Variants in DYNC1H1 observed in about 807,000 individuals in gnomAD.
DYNC1H1 encodes dynein cytoplasmic 1 heavy chain 1, also known as cytoplasmic dynein 1 heavy chain 1.
In DYNC1H1, 51 loss-of-function variants were observed where a neutral mutation model predicts 527.1. The observed-to-expected ratio is 0.10, with a 90% CI of 0.08 to 0.12. The LOEUF is 0.12. Among genes scored for constraint, DYNC1H1 ranks in the 10% least tolerant of loss-of-function variants. The probability of loss-of-function intolerance (pLI) is 1.00; values close to 1 mark genes in which losing one functional copy is unlikely to be tolerated. For missense variants in DYNC1H1, 2,771 were observed against 5,971.8 expected (o/e 0.46, Z 17.66); for synonymous variants, 2,189 against 2,278.8 (o/e 0.96, Z 1.12).
At chr14:102,045,057 C>T in intron 72 of DYNC1H1, 1 of 310,442 alleles carries the variant, frequency 3.2e-6, no homozygotes, top group South Asian at 3.2e-5. Context: ...AATCCCAGCA[C>T]TTTGGGAGGC....
rs779088000 is a variant in DYNC1H1 at position 102,008,352 on chromosome 14, C to G, written c.5977+15C>G. 1 of 1,613,892 alleles carries G rather than the reference C, an allele frequency of 6.2e-7. No homozygotes were observed. The highest frequency in any genetic ancestry group is 8.5e-7 in the Non-Finnish European group (1 of 1,179,920). On this transcript the variant is annotated intron_variant, in intron 29 of 77. Transcript: ENST00000360184. ...CTACGACAAGAGTAAGACACCTCTT[C>G]TTCAAAAATTACTTAGAGAATGTAG...
In DYNC1H1 at chr14:102,049,358, C is replaced by T. The variant is rs2048772401; in HGVS notation, c.13373-82C>T. 1 of 1,600,866 alleles carries T rather than the reference C, an allele frequency of 6.2e-7. No homozygotes were observed. Among genetic ancestry groups the T allele is most frequent in the Non-Finnish European group, 8.5e-7 (1 of 1,175,844 alleles). On this transcript the variant is annotated intron_variant, in intron 74 of 77. Coordinates refer to ENST00000360184, the MANE Select transcript of DYNC1H1 (RefSeq NM_001376.5). This position sits in a 1 kb window ranked among gnomAD's most constrained non-coding sequence, Gnocchi z 5.5. ...GCCGCCTGTGTGGGCAGCCAGGATG[C>T]CTAGCACTTGCACATTTGTTCCATC...
At chr14:101,977,412 T>TC (rs2047814067) in intron 2 of DYNC1H1, among the ~76,000 whole-genome samples, 2 of 152,240 alleles carry the variant, frequency 1.3e-5, no homozygotes, top group South Asian at 4.1e-4. Context: ...TTATCATTTT[T>TC]CCCCTGAATC....
Position 102,048,683 on chromosome 14 carries a change from C to A in DYNC1H1, c.13372+14C>A. 1 of 1,611,910 alleles carries A rather than the reference C, an allele frequency of 6.2e-7. No homozygotes were observed. The highest frequency in any genetic ancestry group is 8.5e-7 in the Non-Finnish European group (1 of 1,179,772). ...AGCTAGTGAAAGGTGCGTGAGAGGC[C>A]GAACTCGTGGTGTGGCTTCCGGCGG... On this transcript the variant is annotated intron_variant, in intron 74 of 77. Transcript: ENST00000360184.
Position 102,047,934 on chromosome 14 carries a change from C to T in DYNC1H1, c.13124C>T (p.Ala4375Val). 6.2e-7 allele frequency: 1 copy of T among 1,613,420 alleles called. No homozygotes were observed. The highest frequency in any genetic ancestry group is 8.5e-7 in the Non-Finnish European group (1 of 1,180,018). Residue 4375 changes from alanine (A) to valine (V), a missense_variant, in exon 73 of 78, where the codon GCC becomes GTC. Ala to Val is a moderately conservative substitution (Grantham distance 64). Coordinates refer to ENST00000360184, the MANE Select transcript of DYNC1H1 (RefSeq NM_001376.5). Reference protein sequence around the residue: ...RTDSTSDGRPAWMRTLHTTAS... With the variant: ...RTDSTSDGRPVWMRTLHTTAS... Reference sequence around the variant, plus strand: ...GACTCCACGTCCGACGGGCGCCCTGCCTGGATGCGGACACTGCACACCACC... The same window carrying T: ...GACTCCACGTCCGACGGGCGCCCTGTCTGGATGCGGACACTGCACACCACC...
chr14:102,034,098 G>T lies in DYNC1H1; in HGVS notation c.10536G>T (p.Ala3512=). Residue 3512 remains alanine, a synonymous_variant, in exon 55 of 78, where the codon GCG becomes GCT. Coordinates refer to ENST00000360184, the MANE Select transcript of DYNC1H1 (RefSeq NM_001376.5). ...TIAGDCLLSA[A]FIAYAGYFDQ... ...CTGGGGACTGTCTCTTGTCAGCTGC[G>T]TTCATTGCCTACGCGGGTTACTTTG... 6.2e-7 allele frequency: 1 copy of T among 1,614,144 alleles called. No homozygotes were observed. Among genetic ancestry groups the T allele is most frequent in the South Asian group, 1.1e-5 (1 of 91,084 alleles).
At chr14:101,980,102 G>T in intron 4 of DYNC1H1, 128 bp downstream of exon 4, 1 of 1,440,822 alleles carries the variant, frequency 6.9e-7, no homozygotes. Context: ...TCTTGGTCCT[G>T]GGACTGTCCA....
chr14:101,964,631 G>C lies in DYNC1H1; in HGVS notation c.-61G>C, dbSNP rs2013700790. ...CGGCGGCCGTTTCTGTCTCTTGCTG[G>C]CTGTCTCGCTGAGTCGCGGCCGCCT... On this transcript the variant is annotated 5_prime_UTR_variant, in exon 1 of 78. Transcript: ENST00000360184. The surrounding 1 kb of genome is among the most constrained non-coding windows in gnomAD (Gnocchi z 5.5). 1 of 1,541,340 alleles carries C rather than the reference G, an allele frequency of 6.5e-7. No individual in the cohort carries two copies. Among genetic ancestry groups the C allele is most frequent in the South Asian group, 1.2e-5 (1 of 84,998 alleles).
chr14:102,002,453 T>A lies in DYNC1H1; in HGVS notation c.4543-84T>A. The A allele has an allele frequency of 7.0e-6, 11 of 1,560,370 alleles. No individual in the cohort carries two copies. Among genetic ancestry groups the A allele is most frequent in the Non-Finnish European group, 9.7e-6 (11 of 1,133,564 alleles). ...TGAATCAGATTACTTCATGAGATCC[T>A]GATCTGCGCTTTTTCAGTGAGTTTT... On this transcript the variant is annotated intron_variant, in intron 21 of 77. Coordinates refer to ENST00000360184, the MANE Select transcript of DYNC1H1 (RefSeq NM_001376.5). The surrounding 1 kb of genome is among the most constrained non-coding windows in gnomAD (Gnocchi z 4.4).
At chr14:102,009,818 C>T (rs762749914) in intron 29 of DYNC1H1, 25 bp from the exon 30 acceptor site, 9 of 1,612,680 alleles carry the variant, frequency 5.6e-6, no homozygotes, top group Non-Finnish European at 7.6e-6. Flanking sequence ...CATTTCTAGT[C>T]TTAACGCTAT....
chr14:102,050,277 C>T (rs1285457336), intron 77 of DYNC1H1, 79 bp downstream of exon 77: 2 of 1,612,228 alleles, frequency 1.2e-6, no homozygotes, highest in African/African-American at 1.3e-5. Flanking sequence ...CTCTTCTATG[C>T]CTGGGTTCCA....
In DYNC1H1 at chr14:102,020,453, G is replaced by A. The variant is rs551938125; in HGVS notation, c.8507+397G>A. Among the ~76,000 whole-genome samples the A allele has an allele frequency of 3.8e-4, 58 of 152,274 alleles. No individual in the cohort carries two copies. Among genetic ancestry groups the A allele is most frequent in the African/African-American group, 1.3e-3 (55 of 41,554 alleles). ...GCCTGTGATAACCTTACCAGAGCAC[G>A]GGTTCACTGCTGAGTTAAAAGGTCT... On this transcript the variant is annotated intron_variant, in intron 42 of 77. Transcript: ENST00000360184. The surrounding 1 kb of genome is among the most constrained non-coding windows in gnomAD (Gnocchi z 4.3).
intron 1 of DYNC1H1, among the ~76,000 whole-genome samples, chr14:101,970,094 A>C (rs1020808374): frequency 1.1e-4 from 17 of 152,362 alleles, no homozygotes; most frequent in African/African-American, 3.8e-4. Context: ...TTAATAACTT[A>C]GTAGATTTTT....
chr14:102,000,971 T>G lies in DYNC1H1; in HGVS notation c.4092T>G (p.Asp1364Glu). 1 of 1,614,228 alleles carries G rather than the reference T, an allele frequency of 6.2e-7. No individual in the cohort carries two copies. ...VQPRKLRQNL[D>E]ALLNQLKSFP... The stretch of plus-strand genomic sequence containing the variant: ...CTCGACAGCTTCGACAAAATTTGGA[T>G]GCCCTCCTGAACCAGCTGAAAAGCT... Residue 1364 changes from aspartate to glutamate, a missense_variant, in exon 19 of 78, where the codon GAT becomes GAG. By Grantham distance (45) the Asp-to-Glu change is conservative (BLOSUM62 2). Around this residue, in one of 32 missense-constraint regions of DYNC1H1, gnomAD observed 223 missense variants for 462.5 expected, o/e 0.48. Coordinates refer to ENST00000360184, the MANE Select transcript of DYNC1H1 (RefSeq NM_001376.5).
Position 101,965,041 on chromosome 14 carries a change from G to A in DYNC1H1, c.256+94G>A. On this transcript the variant is annotated intron_variant, in intron 1 of 77. Coordinates refer to ENST00000360184, the MANE Select transcript of DYNC1H1 (RefSeq NM_001376.5). This position sits in a 1 kb window ranked among gnomAD's most constrained non-coding sequence, Gnocchi z 4.1. The stretch of plus-strand genomic sequence containing the variant: ...CGGGGTCGCAGATGTCCCCGGGATG[G>A]GAGGAGCCCGGCAGCTGCAGATGAC... 3.0e-6 allele frequency: 4 copies of A among 1,341,686 alleles called. No individual in the cohort carries two copies. Among genetic ancestry groups the A allele is most frequent in the Non-Finnish European group, 4.0e-6 (4 of 988,952 alleles). 83.1% of individuals were successfully genotyped at this position (1,341,686 alleles called of 1,614,324 possible).
At position 101,964,646 on chromosome 14, in the gene DYNC1H1, C is replaced by T; in HGVS notation, c.-46C>T. 3 of 1,549,734 alleles carry T rather than the reference C, an allele frequency of 1.9e-6. No individual in the cohort carries two copies. Among genetic ancestry groups the T allele is most frequent in the African/African-American group, 1.4e-5 (1 of 73,654 alleles). On this transcript the variant is annotated 5_prime_UTR_variant, in exon 1 of 78. Coordinates refer to ENST00000360184, the MANE Select transcript of DYNC1H1 (RefSeq NM_001376.5). The surrounding 1 kb of genome is among the most constrained non-coding windows in gnomAD (Gnocchi z 5.5). ...TCTCTTGCTGGCTGTCTCGCTGAGT[C>T]GCGGCCGCCTTCTCATCGCTCCTGG...
intron 2 of DYNC1H1, 107 bp downstream of exon 2, chr14:101,975,906 A>G (rs2047794470): frequency 2.1e-6 from 2 of 963,462 alleles, no homozygotes; most frequent in Non-Finnish European, 3.1e-6. Context: ...GAATTAATAT[A>G]AATCTTTTTT....
At chr14:101,967,859 T>G (rs2047685084) in intron 1 of DYNC1H1, among the ~76,000 whole-genome samples, 1 of 152,150 alleles carries the variant, frequency 6.6e-6, no homozygotes, top group Non-Finnish European at 1.5e-5. Context: ...ACTCAAAGTA[T>G]AGAATAAATG....
chr14:102,054,218 G>T lies in DYNC1H1; in HGVS notation c.*3655G>T, dbSNP rs2048852561. Reference sequence around the variant, plus strand: ...CCCTGCCCTCCGTTGGCAGGGCAGAGCTCCGTCTTTTCCTCTCAACAGCTC... The same window carrying T: ...CCCTGCCCTCCGTTGGCAGGGCAGATCTCCGTCTTTTCCTCTCAACAGCTC... On this transcript the variant is annotated 3_prime_UTR_variant, in exon 78 of 78. Coordinates refer to ENST00000360184, the MANE Select transcript of DYNC1H1 (RefSeq NM_001376.5). The T allele has an allele frequency of 1.3e-5, 2 of 152,248 alleles. No individual in the cohort carries two copies. The highest frequency in any genetic ancestry group is 4.1e-4 in the South Asian group (2 of 4,832). The allele number at this position is 152,248 out of a possible 1,614,324, so 9.4% of individuals were successfully genotyped here. A position where few individuals can be genotyped will look rare whatever the true frequency, so the allele number is the denominator to read the frequency against.
Sources: gnomAD v4.1 joint callset for allele counts (sites outside exome capture counted in the v4.1 genomes callset) on GRCh38, gnomAD v4.1.1 for gene constraint, gnomAD v4.1.1 regional missense constraint, Gnocchi (gnomAD v3.1) non-coding constraint, MANE v1.5 for transcripts, NCBI Gene and HGNC (gene_info 2026-07-23, HGNC 2026-07-21) for gene names.